Variants in KALRN observed in about 807,000 individuals in gnomAD.
KALRN encodes kalirin RhoGEF kinase.
KALRN carries 70 observed loss-of-function variants against 353.7 expected under a neutral mutation model. The ratio of observed to expected loss-of-function variants is 0.20; its 90% CI spans 0.16 to 0.24. The LOEUF is 0.24. KALRN is among the 10% of genes least tolerant of loss of function. The pLI is 1.00. For missense variants in KALRN, 2,791 were observed against 3,756.7 expected (o/e 0.74, Z 6.72); for synonymous variants, 1,391 against 1,434.8 (o/e 0.97, Z 0.69).
chr3:124,417,377 T>C (rs2092563094), intron 14 of KALRN, among the ~76,000 whole-genome samples: 3 of 152,248 alleles, frequency 2.0e-5, no homozygotes, highest in Admixed American at 2.0e-4. Flanking sequence ...CAGGCCATAC[T>C]TCTTCTCTCC....
intron 37 of KALRN, among the ~76,000 whole-genome samples, chr3:124,646,699 ATTT>A (rs11368212): frequency 0.012 from 1,745 of 145,062 alleles, 35 homozygotes; most frequent in African/African-American, 0.041. Flanking sequence ...CCTCTTTTCC[ATTT>A]TTTTTTTTTT....
intron 1 of KALRN, among the ~76,000 whole-genome samples, chr3:124,040,443 T>C (rs558226922): frequency 1.2e-4 from 19 of 152,154 alleles, no homozygotes; most frequent in Non-Finnish European, 1.8e-4. Context: ...AGACATTTTT[T>C]TGGTGTCATA....
chr3:124,529,996 C>T (rs1299440737), intron 33 of KALRN, among the ~76,000 whole-genome samples: 2 of 152,188 alleles, frequency 1.3e-5, no homozygotes, highest in Non-Finnish European at 2.9e-5. Context: ...ATGCGCTTCT[C>T]TCTGCCCTGC....
Position 124,719,606 on chromosome 3 carries a change from C to CTGACGAGGTTTAAGA in KALRN, c.*136_*137insTGACGAGGTTTAAGA. 1 of 823,622 alleles carries CTGACGAGGTTTAAGA rather than the reference C, an allele frequency of 1.2e-6. No homozygotes were observed. Among genetic ancestry groups the CTGACGAGGTTTAAGA allele is most frequent in the Non-Finnish European group, 1.9e-6 (1 of 536,442 alleles). 51.0% of individuals were successfully genotyped at this position (823,622 alleles called of 1,614,324 possible). ...ATTGAGAGATGTACCTCTTAAACCT[C>CTGACGAGGTTTAAGA]GTCAGTGGTTATTCAGGGTCTGAGC... is the stretch of plus-strand genomic sequence containing the variant. On this transcript the variant is annotated 3_prime_UTR_variant, in exon 60 of 60. Transcript: ENST00000682506. This position sits in a 1 kb window ranked among gnomAD's most constrained non-coding sequence, Gnocchi z 5.3.
In KALRN at chr3:124,503,884, T is replaced by C. The variant is rs574520851; in HGVS notation, c.4935+7471T>C. On this transcript the variant is annotated intron_variant, in intron 33 of 59. Coordinates refer to ENST00000682506, the MANE Select transcript of KALRN (RefSeq NM_001388419.1). ...TAGGTTCACAGGGCAAAATATTTCA[T>C]ATCAGCATTATTTTACTTAATATTT... is the stretch of plus-strand genomic sequence containing the variant. Among the ~76,000 whole-genome samples, 317 of 152,336 alleles carry C rather than the reference T, an allele frequency of 2.1e-3. 1 individual carries two copies. The highest frequency in any genetic ancestry group is 6.8e-3 in the Middle Eastern group (2 of 294).
At position 124,445,629 on chromosome 3, in the gene KALRN, G is replaced by C. The variant is rs577121092; in HGVS notation, c.3314-532G>C. Among the ~76,000 whole-genome samples the C allele has an allele frequency of 2.4e-3, 373 of 152,294 alleles. 3 individuals carry two copies. Among genetic ancestry groups the C allele is most frequent in the Middle Eastern group, 0.017 (5 of 292 alleles). On this transcript the variant is annotated intron_variant, in intron 19 of 59. Transcript: ENST00000682506. The stretch of plus-strand genomic sequence containing the variant: ...GACCACTATTTAGAAGTGTTTAGAG[G>C]CTGTGCCGTTAAAGTGCTGTGTGCA...
chr3:124,492,486 G>A (rs1033147316), intron 31 of KALRN, among the ~76,000 whole-genome samples: 1 of 152,194 alleles, frequency 6.6e-6, no homozygotes, highest in Non-Finnish European at 1.5e-5. Flanking sequence ...AGTGCCTTAT[G>A]AGTTATGAAA....
chr3:124,531,991 A>G (rs1331827677), intron 33 of KALRN, among the ~76,000 whole-genome samples: 2 of 152,208 alleles, frequency 1.3e-5, no homozygotes, highest in Non-Finnish European at 2.9e-5. Flanking sequence ...TTAGAGAACC[A>G]ATTCTTAGGG....
intron 2 of KALRN, among the ~76,000 whole-genome samples, chr3:124,230,716 G>T (rs527353602): frequency 1.3e-5 from 2 of 152,198 alleles, no homozygotes; most frequent in South Asian, 4.1e-4. Flanking sequence ...ACCTGCGCTT[G>T]TGGTGCCAGA....
chr3:124,136,742 C>G (rs1299848700), intron 1 of KALRN, among the ~76,000 whole-genome samples: 1 of 152,164 alleles, frequency 6.6e-6, no homozygotes, highest in African/African-American at 2.4e-5. Context: ...CCAGAAGATC[C>G]TAGAATCCTA....
intron 1 of KALRN, among the ~76,000 whole-genome samples, chr3:124,204,932 G>C (rs1392505380): frequency 1.3e-5 from 2 of 151,932 alleles, no homozygotes; most frequent in Non-Finnish European, 2.9e-5. Flanking sequence ...AGAAGGTTGA[G>C]CTGTGTTAAG....
At chr3:124,601,458 C>G (rs2076798936) in intron 34 of KALRN, among the ~76,000 whole-genome samples, 1 of 152,166 alleles carries the variant, frequency 6.6e-6, no homozygotes, top group Non-Finnish European at 1.5e-5. Context: ...AGGTTTTGAG[C>G]CCTGGGAGTG....
chr3:124,350,082 C>T (rs1253118669), intron 10 of KALRN, among the ~76,000 whole-genome samples: 1 of 152,214 alleles, frequency 6.6e-6, no homozygotes, highest in Admixed American at 6.5e-5. Flanking sequence ...ATCTTCCTTG[C>T]CCTCTGCCTG....
chr3:124,182,057 A>T (rs2073668794), intron 1 of KALRN, among the ~76,000 whole-genome samples: 1 of 152,238 alleles, frequency 6.6e-6, no homozygotes, highest in Admixed American at 6.5e-5. Context: ...AGATAAAATT[A>T]TCCGAAGGGA....
intron 5 of KALRN, among the ~76,000 whole-genome samples, chr3:124,270,824 G>GTTTTTTTTTTTTTTTTTTTTTTTTTTTT (rs777615656): frequency 3.3e-4 from 26 of 78,646 alleles, no homozygotes; most frequent in Non-Finnish European, 5.3e-4. Flanking sequence ...TTTTTGTTTT[G>GTTTTTTTTTTTTTTTTTTTTTTTTTTTT]TTTTTTTTTT....
intron 1 of KALRN, among the ~76,000 whole-genome samples, chr3:124,119,944 A>G (rs2063809867): frequency 6.6e-6 from 1 of 152,168 alleles, no homozygotes; most frequent in African/African-American, 2.4e-5. Flanking sequence ...ACCAATGCTA[A>G]TGGTGTGCTC....
intron 1 of KALRN, chr3:124,152,290 G>T: frequency 1.6e-6 from 2 of 1,228,746 alleles, no homozygotes; most frequent in Non-Finnish European, 2.4e-6. Flanking sequence ...TGGTTCTACA[G>T]TCCTCAGCAT....
intron 33 of KALRN, among the ~76,000 whole-genome samples, chr3:124,529,561 C>T (rs2067869983): frequency 6.6e-6 from 1 of 151,954 alleles, no homozygotes; most frequent in South Asian, 2.1e-4. Flanking sequence ...GCTAGGTTTT[C>T]AGGTAGCAAA....
intron 9 of KALRN, among the ~76,000 whole-genome samples, chr3:124,338,121 A>G (rs142369263): frequency 0.013 from 2,014 of 151,944 alleles, 42 homozygotes; most frequent in African/African-American, 0.046. Flanking sequence ...AGGGTTTTTC[A>G]TGTCTCAATC....
Sources: allele counts gnomAD v4.1 joint callset (sites outside exome capture counted in the v4.1 genomes callset), GRCh38; gene constraint gnomAD v4.1.1; non-coding constraint Gnocchi (gnomAD v3.1); transcripts MANE v1.5; gene names NCBI Gene and HGNC (gene_info 2026-07-23, HGNC 2026-07-21).